MSRB3: variants seen among roughly 807,000 people sequenced by gnomAD.
The protein encoded by MSRB3 is methionine sulfoxide reductase B3.
In MSRB3, 13 loss-of-function variants were observed where a neutral mutation model predicts 21.0. The observed-to-expected ratio is 0.62, with a 90% confidence interval of 0.40 to 0.98. The LOEUF (loss-of-function observed/expected upper bound fraction) is 0.98. Among genes scored for constraint, MSRB3 ranks in the 50% least tolerant of loss-of-function variants. The pLI is 0.00. For missense variants in MSRB3, 199 were observed against 230.3 expected, an observed-to-expected ratio of 0.86 and a Z score of 0.88; for synonymous variants, 87 against 88.6, an observed-to-expected ratio of 0.98 and a Z score of 0.10.
intron 4 of MSRB3, among the ~76,000 whole-genome samples, chr12:65,350,130 C>T (rs1876840965): frequency 6.6e-6 from 1 of 151,736 alleles, no homozygotes; most frequent in Non-Finnish European, 1.5e-5. Context: ...CTACATATGG[C>T]TAGCCAGTTT....
chr12:65,305,547 A>C (rs1873602610), intron 1 of MSRB3, among the ~76,000 whole-genome samples: 1 of 152,162 alleles, frequency 6.6e-6, no homozygotes, highest in African/African-American at 2.4e-5. Flanking sequence ...CAGATTACCC[A>C]ATTACTTAAG....
At chr12:65,368,926 C>T (rs923942441) in intron 4 of MSRB3, 72 bp from the exon 5 acceptor site, 4 of 474,056 alleles carry the variant, frequency 8.4e-6, no homozygotes, top group East Asian at 4.2e-5. Context: ...CAACCACACC[C>T]CCCCCCCCCA....
intron 5 of MSRB3, among the ~76,000 whole-genome samples, chr12:65,448,976 G>T (rs1375457769): frequency 6.6e-6 from 1 of 152,148 alleles, no homozygotes; most frequent in African/African-American, 2.4e-5. Flanking sequence ...GGGGATTAAA[G>T]AATCATTTTT....
chr12:65,359,453 A>G (rs1041858214), intron 4 of MSRB3, among the ~76,000 whole-genome samples: 1 of 152,122 alleles, frequency 6.6e-6, no homozygotes, highest in Non-Finnish European at 1.5e-5. Context: ...AATATTATGT[A>G]TAAAACTGGT....
chr12:65,350,231 G>A (rs1452358422), intron 4 of MSRB3, among the ~76,000 whole-genome samples: 16 of 151,230 alleles, frequency 1.1e-4, no homozygotes, highest in Middle Eastern at 6.8e-3. Context: ...GATATGCGGC[G>A]TTATTTCTGA....
At chr12:65,316,234 A>G (rs1451919376) in intron 2 of MSRB3, 1 of 152,140 alleles carries the variant, frequency 6.6e-6, no homozygotes, top group African/African-American at 2.4e-5. Flanking sequence ...AATCTTTTAT[A>G]AAAGATATGA....
At chr12:65,320,171 A>G (rs1283043480) in intron 2 of MSRB3, among the ~76,000 whole-genome samples, 2 of 152,210 alleles carry the variant, frequency 1.3e-5, no homozygotes, top group Non-Finnish European at 2.9e-5. Context: ...AAGGCATTAA[A>G]TGTGATTATT....
intron 2 of MSRB3, among the ~76,000 whole-genome samples, chr12:65,311,335 G>A (rs2136427062): frequency 6.6e-6 from 1 of 152,138 alleles, no homozygotes; most frequent in Middle Eastern, 3.4e-3. Context: ...AAAATGAGTT[G>A]ACTAGAATAG....
intron 4 of MSRB3, among the ~76,000 whole-genome samples, 159 bp downstream of exon 4, chr12:65,328,762 T>C (rs899615652): frequency 6.6e-6 from 1 of 152,226 alleles, no homozygotes; most frequent in African/African-American, 2.4e-5. Context: ...ATTGATTTCA[T>C]GGTAAATTAC....
At chr12:65,341,557 CTAAA>C in intron 4 of MSRB3, among the ~76,000 whole-genome samples, 1 of 145,674 alleles carries the variant, frequency 6.9e-6, no homozygotes, top group African/African-American at 2.5e-5. Flanking sequence ...AAAAAAAAAA[CTAAA>C]AGAGTATAAT....
chr12:65,377,832 A>T (rs749289949), intron 5 of MSRB3, among the ~76,000 whole-genome samples: 1 of 152,182 alleles, frequency 6.6e-6, no homozygotes, highest in Non-Finnish European at 1.5e-5. Flanking sequence ...AGTAGAATGT[A>T]TGTCATTTTT....
rs745714349 is a variant in MSRB3 at position 65,453,760 on chromosome 12, G to C, written c.325G>C (p.Glu109Gln). 3.1e-6 allele frequency: 5 copies of C among 1,613,944 alleles called. No individual in the cohort carries two copies. Among genetic ancestry groups the C allele is most frequent in the South Asian group, 1.1e-5 (1 of 91,078 alleles). ...TTCATTCCACGATGTGATCAATTCT[G>C]AGGCAATCACATTCACAGATGACTT... The part of the protein sequence containing the change: ...WPSFHDVINS[E>Q]AITFTDDFSY... The change falls in exon 6 of 7, where the codon GAG (glutamate) becomes CAG (glutamine). Residue 109 changes from glutamate (E) to glutamine (Q), a missense_variant. Coordinates refer to ENST00000308259, the MANE Select transcript of MSRB3 (RefSeq NM_001031679.3).
chr12:65,387,354 CTGAG>C lies in MSRB3; in HGVS notation c.292+18331_292+18334del, dbSNP rs559070233. The stretch of plus-strand genomic sequence containing the variant: ...TCCCCCTTGGACACACTGACAGTCG[CTGAG>C]TGTTACTATTATCTTTTTTCTTTCC... On this transcript the variant is annotated intron_variant, in intron 5 of 6. Coordinates refer to ENST00000308259, the MANE Select transcript of MSRB3 (RefSeq NM_001031679.3). 8.6e-3 allele frequency among the ~76,000 whole-genome samples: 1,308 copies of C among 152,184 alleles called. 19 individuals are homozygous for C. The highest frequency in any genetic ancestry group is 0.03 in the African/African-American group (1,238 of 41,532).
chr12:65,313,956 A>C (rs1266825670), intron 2 of MSRB3, among the ~76,000 whole-genome samples: 1 of 152,212 alleles, frequency 6.6e-6, no homozygotes, highest in African/African-American at 2.4e-5. Flanking sequence ...TGATATTAGC[A>C]CATAGGTGCA....
intron 4 of MSRB3, among the ~76,000 whole-genome samples, chr12:65,331,181 A>G (rs1194328829): frequency 6.6e-6 from 1 of 152,208 alleles, no homozygotes; most frequent in African/African-American, 2.4e-5. Flanking sequence ...AACTTAATTT[A>G]AATATATGAG....
chr12:65,401,334 T>C (rs946544859), intron 5 of MSRB3, among the ~76,000 whole-genome samples: 1 of 152,242 alleles, frequency 6.6e-6, no homozygotes, highest in African/African-American at 2.4e-5. Flanking sequence ...TTAGCTCTTC[T>C]TGTTGCATTG....
At chr12:65,351,946 G>C (rs146897235) in intron 4 of MSRB3, among the ~76,000 whole-genome samples, 4,783 of 151,812 alleles carry the variant, frequency 0.032, 268 homozygotes, top group African/African-American at 0.11. Flanking sequence ...AGAGGGAATC[G>C]TCCCTAACTC....
intron 2 of MSRB3, among the ~76,000 whole-genome samples, chr12:65,317,929 G>C (rs924305100): frequency 9.9e-5 from 15 of 152,062 alleles, no homozygotes; most frequent in African/African-American, 3.6e-4. Context: ...ACATATACCC[G>C]TTTAGTCCTT....
chr12:65,457,526 C>G (rs1883145079), intron 6 of MSRB3, among the ~76,000 whole-genome samples: 1 of 152,094 alleles, frequency 6.6e-6, no homozygotes, highest in Non-Finnish European at 1.5e-5. Flanking sequence ...CAGCTTCATC[C>G]ATGTCCCTGC....
Sources: allele counts gnomAD v4.1 joint callset (sites outside exome capture counted in the v4.1 genomes callset), GRCh38; gene constraint gnomAD v4.1.1; transcripts MANE v1.5; gene names NCBI Gene and HGNC (gene_info 2026-07-23, HGNC 2026-07-21).